The following ADK variants were observed in gnomAD, a reference collection of about 807,000 sequenced individuals.
ADK encodes N6,N6-dimethyladenosine kinase.
A neutral mutation model predicts 44.7 loss-of-function variants in ADK; 24 were observed. The observed-to-expected ratio is 0.54, with a 90% confidence interval of 0.39 to 0.76. ADK has a LOEUF of 0.76. Among genes scored for constraint, ADK ranks in the 30% least tolerant of loss-of-function variants. The probability of loss-of-function intolerance (pLI) is 0.00; values close to 1 mark genes in which losing one functional copy is unlikely to be tolerated. For missense variants in ADK, 321 were observed against 425.1 expected (o/e 0.76, Z 2.15); for synonymous variants, 128 against 142.6 (o/e 0.90, Z 0.73).
chr10:74,618,555 C>G (rs1852863185), intron 9 of ADK, among the ~76,000 whole-genome samples: 1 of 152,194 alleles, frequency 6.6e-6, no homozygotes, highest in Non-Finnish European at 1.5e-5. Flanking sequence ...TCCCAAAGTG[C>G]TGGGATTACA....
chr10:74,165,014 C>T (rs1450534080), intron 1 of ADK, among the ~76,000 whole-genome samples: 1 of 152,154 alleles, frequency 6.6e-6, no homozygotes, highest in African/African-American at 2.4e-5. Flanking sequence ...TTTCCGAAGA[C>T]TGCTTGGGAA....
chr10:74,160,195 C>T (rs564592843), intron 1 of ADK, among the ~76,000 whole-genome samples: 4 of 152,136 alleles, frequency 2.6e-5, no homozygotes, highest in Non-Finnish European at 4.4e-5. Flanking sequence ...ATCAGCTTTC[C>T]GTAAGTCACA....
intron 9 of ADK, among the ~76,000 whole-genome samples, chr10:74,668,600 A>T (rs904660401): frequency 6.6e-6 from 1 of 152,134 alleles, no homozygotes; most frequent in African/African-American, 2.4e-5. Flanking sequence ...GCTGGGCGTG[A>T]TGGCACATGA....
intron 6 of ADK, among the ~76,000 whole-genome samples, chr10:74,421,266 A>G (rs577175339): frequency 2.5e-4 from 38 of 152,312 alleles, no homozygotes; most frequent in African/African-American, 7.9e-4. Context: ...TCATAACGGT[A>G]TGGGTGAACA....
At chr10:74,611,666 C>T (rs573970365) in intron 9 of ADK, among the ~76,000 whole-genome samples, 1 of 151,900 alleles carries the variant, frequency 6.6e-6, no homozygotes, top group East Asian at 1.9e-4. Context: ...TCCTGCCTCC[C>T]CCTTTATGTC....
At chr10:74,419,175 A>G (rs1009719859) in intron 6 of ADK, among the ~76,000 whole-genome samples, 2 of 152,150 alleles carry the variant, frequency 1.3e-5, no homozygotes, top group Non-Finnish European at 2.9e-5. Flanking sequence ...TCTTGTATTT[A>G]CACTCTAAAA....
At chr10:74,692,614 C>T (rs560347963) in intron 10 of ADK, among the ~76,000 whole-genome samples, 103 of 152,288 alleles carry the variant, frequency 6.8e-4, no homozygotes, top group Admixed American at 1.1e-3. Context: ...TAACTACAGT[C>T]ATGCACCACA....
At chr10:74,471,434 C>A (rs1205512492) in intron 6 of ADK, among the ~76,000 whole-genome samples, 1 of 152,136 alleles carries the variant, frequency 6.6e-6, no homozygotes, top group Non-Finnish European at 1.5e-5. Context: ...AAATCAGGAA[C>A]TCTGAGGCCT....
chr10:74,655,236 C>A, intron 9 of ADK: 1 of 395,046 alleles, frequency 2.5e-6, no homozygotes, highest in South Asian at 2.3e-5. Context: ...GGTGCATGGA[C>A]AGGGATGAGG....
At chr10:74,250,706 G>A (rs1845620150) in intron 3 of ADK, among the ~76,000 whole-genome samples, 1 of 152,030 alleles carries the variant, frequency 6.6e-6, no homozygotes, top group Non-Finnish European at 1.5e-5. Flanking sequence ...AATAATGAGG[G>A]TCTCTTATAG....
At chr10:74,620,879 CAG>C (rs953538879) in intron 9 of ADK, among the ~76,000 whole-genome samples, 4 of 151,862 alleles carry the variant, frequency 2.6e-5, no homozygotes, top group Non-Finnish European at 5.9e-5. Context: ...TTTTTTAAAA[CAG>C]AGTAGAGTTT....
At chr10:74,266,480 G>A (rs1484929777) in intron 3 of ADK, among the ~76,000 whole-genome samples, 1 of 151,974 alleles carries the variant, frequency 6.6e-6, no homozygotes, top group Non-Finnish European at 1.5e-5. Context: ...TGCTTGAACC[G>A]GGGAAGGAGA....
intron 6 of ADK, among the ~76,000 whole-genome samples, chr10:74,487,876 TA>T (rs1847321445): frequency 6.6e-6 from 1 of 152,034 alleles, no homozygotes; most frequent in Admixed American, 6.6e-5. Flanking sequence ...TTGGCTTATC[TA>T]AAAATCATAT....
chr10:74,412,180 C>T (rs551262914), intron 6 of ADK, among the ~76,000 whole-genome samples: 108 of 152,180 alleles, frequency 7.1e-4, no homozygotes, highest in Middle Eastern at 3.4e-3. Context: ...TCACATGAAT[C>T]GTGAATGTTC....
intron 9 of ADK, among the ~76,000 whole-genome samples, chr10:74,633,748 G>A (rs1853521299): frequency 6.6e-6 from 1 of 152,214 alleles, no homozygotes; most frequent in African/African-American, 2.4e-5. Context: ...AGAAACTGAA[G>A]GAGAGTCTAT....
chr10:74,614,768 G>A (rs34605650), intron 9 of ADK, among the ~76,000 whole-genome samples: 3,485 of 151,238 alleles, frequency 0.023, 60 homozygotes, highest in Non-Finnish European at 0.037. Context: ...TTTCTCCAAG[G>A]AACCCTGGTT....
intron 7 of ADK, among the ~76,000 whole-genome samples, chr10:74,550,219 C>T (rs563481062): frequency 1.3e-5 from 2 of 152,008 alleles, no homozygotes; most frequent in African/African-American, 4.8e-5. Flanking sequence ...CACAGGCATC[C>T]ACCACCATGC....
chr10:74,302,127 T>TTTTTTTTTTTTTTTTTTTTTTTTTTTTTG (rs1840075023), intron 3 of ADK, among the ~76,000 whole-genome samples: 1 of 99,664 alleles, frequency 1.0e-5, no homozygotes, highest in Non-Finnish European at 2.0e-5. Flanking sequence ...TTTTTTTTTT[T>TTTTTTTTTTTTTTTTTTTTTTTTTTTTTG]TTTTTTTTTT....
At chr10:74,259,146 T>C (rs1845944070) in intron 3 of ADK, among the ~76,000 whole-genome samples, 1 of 151,902 alleles carries the variant, frequency 6.6e-6, no homozygotes, top group African/African-American at 2.4e-5. Flanking sequence ...GGTTTCGCCA[T>C]GTTGGCCAGG....
Sources: gnomAD v4.1 joint callset for allele counts (sites outside exome capture counted in the v4.1 genomes callset) on GRCh38, gnomAD v4.1.1 for gene constraint, MANE v1.5 for transcripts, NCBI Gene and HGNC (gene_info 2026-07-23, HGNC 2026-07-21) for gene names.